Variants in CACHD1 observed in about 807,000 individuals in gnomAD.
The protein encoded by CACHD1 is VWFA and cache domain-containing protein 1.
CACHD1 carries 71 observed loss-of-function variants against 138.7 expected under a neutral mutation model. The ratio of observed to expected loss-of-function variants is 0.51; its 90% CI spans 0.42 to 0.62. CACHD1 has a LOEUF of 0.62. CACHD1 is among the 20% of genes least tolerant of loss of function. CACHD1 has a pLI of 0.00. For missense variants in CACHD1, 1,389 were observed against 1,625.3 expected (o/e 0.85, Z 2.50); for synonymous variants, 578 against 591.5 (o/e 0.98, Z 0.33).
chr1:64,486,381 C>CAT (rs1646242967), intron 1 of CACHD1, among the ~76,000 whole-genome samples: 1 of 151,274 alleles, frequency 6.6e-6, no homozygotes, highest in African/African-American at 2.4e-5. Flanking sequence ...CACACACACA[C>CAT]ACACACACAC....
At chr1:64,601,196 C>T (rs769465292) in intron 3 of CACHD1, among the ~76,000 whole-genome samples, 6 of 152,166 alleles carry the variant, frequency 3.9e-5, no homozygotes, top group Non-Finnish European at 8.8e-5. Flanking sequence ...AGAGCAGTTG[C>T]AACAGTCTTT....
At chr1:64,639,766 A>T (rs187007381) in intron 7 of CACHD1, among the ~76,000 whole-genome samples, 19 of 152,382 alleles carry the variant, frequency 1.2e-4, no homozygotes, top group African/African-American at 4.6e-4. Flanking sequence ...ATATTCATTA[A>T]CTATTGCTGT....
intron 1 of CACHD1, among the ~76,000 whole-genome samples, chr1:64,484,502 T>A (rs991889228): frequency 2.0e-5 from 3 of 152,206 alleles, no homozygotes. Flanking sequence ...CCAGTAGCTC[T>A]TTTAGGCGTG....
At chr1:64,617,762 A>G (rs1204278937) in intron 4 of CACHD1, among the ~76,000 whole-genome samples, 1 of 152,164 alleles carries the variant, frequency 6.6e-6, no homozygotes, top group African/African-American at 2.4e-5. Context: ...TCCTTTCTGA[A>G]GCAGAATATC....
At chr1:64,517,335 A>G (rs1026196445) in intron 1 of CACHD1, among the ~76,000 whole-genome samples, 16 of 152,210 alleles carry the variant, frequency 1.1e-4, no homozygotes, top group African/African-American at 3.9e-4. Context: ...GGGGAGAGCT[A>G]GACAATAGAC....
At chr1:64,641,234 G>C (rs1023798943) in intron 7 of CACHD1, among the ~76,000 whole-genome samples, 2 of 142,018 alleles carry the variant, frequency 1.4e-5, no homozygotes, top group Admixed American at 1.5e-4. Context: ...CAATTACCCA[G>C]ACACAGCTTG....
intron 1 of CACHD1, among the ~76,000 whole-genome samples, chr1:64,519,824 C>G (rs1209667773): frequency 6.6e-6 from 1 of 152,162 alleles, no homozygotes; most frequent in Non-Finnish European, 1.5e-5. Flanking sequence ...TTATACACAA[C>G]TCCTAGGTGC....
At chr1:64,521,154 G>C (rs552238296) in intron 1 of CACHD1, among the ~76,000 whole-genome samples, 1 of 152,306 alleles carries the variant, frequency 6.6e-6, no homozygotes, top group South Asian at 2.1e-4. Context: ...CAGGCTCACT[G>C]GTTGTAGATA....
chr1:64,569,605 T>C (rs145308835), intron 2 of CACHD1, among the ~76,000 whole-genome samples: 193 of 152,234 alleles, frequency 1.3e-3, no homozygotes, highest in African/African-American at 4.6e-3. Flanking sequence ...ACATGTAAGC[T>C]CCCACTCTGG....
chr1:64,640,445 G>A, intron 7 of CACHD1, among the ~76,000 whole-genome samples: 1 of 152,192 alleles, frequency 6.6e-6, no homozygotes, highest in East Asian at 1.9e-4. Context: ...GGAGGCCAAG[G>A]CGGGCAGATC....
intron 1 of CACHD1, among the ~76,000 whole-genome samples, chr1:64,477,897 G>T (rs924041552): frequency 1.3e-5 from 2 of 150,520 alleles, no homozygotes; most frequent in Non-Finnish European, 3.0e-5. Flanking sequence ...GCCTCCCAAA[G>T]TGCTGGGATT....
At chr1:64,685,910 T>G (rs767104401) in intron 26 of CACHD1, among the ~76,000 whole-genome samples, 3 of 152,036 alleles carry the variant, frequency 2.0e-5, no homozygotes, top group South Asian at 4.1e-4. Flanking sequence ...AAATGACATA[T>G]GATAGGCACG....
intron 3 of CACHD1, among the ~76,000 whole-genome samples, chr1:64,595,422 A>G (rs1224319988): frequency 6.6e-6 from 1 of 152,164 alleles, no homozygotes; most frequent in Non-Finnish European, 1.5e-5. Flanking sequence ...GCAAGGGAGA[A>G]GGGTATATAA....
intron 3 of CACHD1, among the ~76,000 whole-genome samples, chr1:64,591,077 C>T (rs1423318363): frequency 6.6e-6 from 1 of 152,158 alleles, no homozygotes; most frequent in African/African-American, 2.4e-5. Context: ...GCAACTTTTC[C>T]TACTGCTCAA....
intron 7 of CACHD1, among the ~76,000 whole-genome samples, chr1:64,636,457 A>G (rs1034391270): frequency 2.6e-5 from 4 of 152,222 alleles, no homozygotes; most frequent in African/African-American, 9.6e-5. Flanking sequence ...AGGGTCTCAC[A>G]GGCTACTGTC....
At chr1:64,580,045 A>C (rs1646999595) in intron 2 of CACHD1, 2 of 151,842 alleles carry the variant, frequency 1.3e-5, no homozygotes, top group Admixed American at 1.3e-4. Context: ...CTGAATGTGA[A>C]AGTCTAGGAA....
At chr1:64,686,194 G>A (rs151050493) in intron 26 of CACHD1, among the ~76,000 whole-genome samples, 35 of 152,244 alleles carry the variant, frequency 2.3e-4, no homozygotes, top group South Asian at 4.1e-4. Flanking sequence ...CCTGATAAGC[G>A]TATTTCCATG....
Position 64,475,357 on chromosome 1 carries a change from A to T in CACHD1, c.198+4415A>T, listed in dbSNP as rs188723958. On this transcript the variant is annotated intron_variant, in intron 1 of 26. Coordinates refer to ENST00000651257, the MANE Select transcript of CACHD1 (RefSeq NM_020925.4). ...ATTTTGTAATTTTTTGTAGGGATGG[A>T]GTCTCACTCTGTTGGCCAGGCTGGT... Among the ~76,000 whole-genome samples, 1,183 of 151,758 alleles carry T rather than the reference A, an allele frequency of 7.8e-3. 15 individuals carry two copies. The highest frequency in any genetic ancestry group is 0.027 in the African/African-American group (1,124 of 41,378).
intron 2 of CACHD1, among the ~76,000 whole-genome samples, chr1:64,554,569 G>T (rs1646782583): frequency 6.6e-6 from 1 of 152,160 alleles, no homozygotes; most frequent in South Asian, 2.1e-4. Flanking sequence ...GTCTGAAATG[G>T]TATCAGGCGA....
Sources: allele counts gnomAD v4.1 joint callset (sites outside exome capture counted in the v4.1 genomes callset), GRCh38; gene constraint gnomAD v4.1.1; transcripts MANE v1.5; gene names NCBI Gene and HGNC (gene_info 2026-07-23, HGNC 2026-07-21).